Variants in CUX2 observed in about 807,000 individuals in gnomAD.
CUX2 encodes the protein homeobox protein cut-like 2.
CUX2 carries 40 observed loss-of-function variants against 144.8 expected under a neutral mutation model. The ratio of observed to expected loss-of-function variants is 0.28; its 90% CI spans 0.21 to 0.36. The LOEUF (loss-of-function observed/expected upper bound fraction) is 0.36, where lower values mean the gene tolerates loss of function less well. CUX2 is among the 10% of genes least tolerant of loss of function. The pLI, the probability that CUX2 is intolerant of heterozygous loss-of-function variation, is 1.00. For synonymous variants in CUX2, 827 were observed against 875.6 expected (o/e 0.94, Z 0.98); for missense variants, 1,615 against 1,994.0 (o/e 0.81, Z 3.62).
At chr12:111,331,938 G>T (rs1196128854) in intron 18 of CUX2, among the ~76,000 whole-genome samples, 4 of 151,688 alleles carry the variant, frequency 2.6e-5, no homozygotes, top group African/African-American at 9.7e-5. Context: ...AAGTTAGCCG[G>T]GTGTGGTGGC....
intron 14 of CUX2, among the ~76,000 whole-genome samples, chr12:111,309,440 G>A (rs1213542095): frequency 1.3e-5 from 2 of 152,206 alleles, no homozygotes; most frequent in African/African-American, 4.8e-5. Context: ...TGCTCTTGGT[G>A]ATGGGGGTGG....
At chr12:111,128,468 G>A (rs1033821525) in intron 1 of CUX2, among the ~76,000 whole-genome samples, 3 of 152,190 alleles carry the variant, frequency 2.0e-5, no homozygotes, top group African/African-American at 7.2e-5. Flanking sequence ...GGGACCATGG[G>A]CATTTGGGCC....
chr12:111,205,367 A>C (rs1318029132), intron 1 of CUX2, among the ~76,000 whole-genome samples: 1 of 152,030 alleles, frequency 6.6e-6, no homozygotes, highest in African/African-American at 2.4e-5. Flanking sequence ...AAGGACCTCC[A>C]TGGGCCCAAG....
chr12:111,252,054 C>T (rs1003601169), intron 3 of CUX2, among the ~76,000 whole-genome samples: 2 of 152,122 alleles, frequency 1.3e-5, no homozygotes, highest in South Asian at 2.1e-4. Context: ...GGCATGGTGG[C>T]GTGTGCCTGT....
At chr12:111,268,350 G>A (rs113467659) in intron 4 of CUX2, among the ~76,000 whole-genome samples, 4,439 of 152,238 alleles carry the variant, frequency 0.029, 87 homozygotes, top group Middle Eastern at 0.048. Context: ...TCAGCCTCCC[G>A]AATGGCTGGG....
At chr12:111,265,638 C>T (rs535265930) in intron 4 of CUX2, among the ~76,000 whole-genome samples, 15 of 152,180 alleles carry the variant, frequency 9.9e-5, no homozygotes, top group South Asian at 2.1e-4. Flanking sequence ...CCACCGCACC[C>T]GGCCAAAACT....
chr12:111,100,004 A>G, intron 1 of CUX2: 1 of 457,302 alleles, frequency 2.2e-6, no homozygotes, highest in Non-Finnish European at 4.4e-6. Context: ...TTATTTTTGC[A>G]CATTCGCTTT....
rs1356029644 is a variant in CUX2 at position 111,287,416 on chromosome 12, TC to T, written c.302-4000del. ...CCCGGCGAGTGCTCGTTGCCTTTTT[TC>T]CTCCTGTCTCAAAAACCGGGACACA... On this transcript the variant is annotated intron_variant, in intron 4 of 21. Transcript: ENST00000261726. The surrounding 1 kb of genome is among the most constrained non-coding windows in gnomAD (Gnocchi z 4.2). 1.2e-4 allele frequency among the ~76,000 whole-genome samples: 18 copies of T among 152,228 alleles called. No homozygotes were observed. Among genetic ancestry groups the T allele is most frequent in the Non-Finnish European group, 4.4e-5 (3 of 68,038 alleles).
chr12:111,252,172 C>T (rs1292254397), intron 3 of CUX2, among the ~76,000 whole-genome samples: 2 of 152,182 alleles, frequency 1.3e-5, no homozygotes, highest in Non-Finnish European at 2.9e-5. Flanking sequence ...GCCTGGGTGA[C>T]AGAGTGAGAC....
At chr12:111,324,208 G>T (rs1363459224) in intron 18 of CUX2, among the ~76,000 whole-genome samples, 1 of 151,936 alleles carries the variant, frequency 6.6e-6, no homozygotes, top group Admixed American at 6.6e-5. Flanking sequence ...AAATTAGCTG[G>T]AAATGGTGGC....
chr12:111,291,857 C>A (rs1885711684), intron 5 of CUX2, among the ~76,000 whole-genome samples: 1 of 152,016 alleles, frequency 6.6e-6, no homozygotes, highest in African/African-American at 2.4e-5. Flanking sequence ...GTTCAGGTTC[C>A]CACCCTCCAT....
At chr12:111,234,215 A>T (rs564574701) in intron 3 of CUX2, among the ~76,000 whole-genome samples, 1 of 152,210 alleles carries the variant, frequency 6.6e-6, no homozygotes, top group Non-Finnish European at 1.5e-5. Context: ...AGGGAATAGG[A>T]CAGAGCCCTG....
intron 1 of CUX2, among the ~76,000 whole-genome samples, chr12:111,198,001 G>T (rs1403611258): frequency 6.6e-6 from 1 of 152,102 alleles, no homozygotes; most frequent in East Asian, 1.9e-4. Flanking sequence ...CTTTCTTGCT[G>T]CTGTTCTTGA....
At chr12:111,099,980 G>T (rs778227274) in intron 1 of CUX2, 1 of 457,286 alleles carries the variant, frequency 2.2e-6, no homozygotes, top group Non-Finnish European at 4.4e-6. Flanking sequence ...CGGCTTTATC[G>T]CAGCCTTTCG....
At chr12:111,193,904 G>C (rs73415953) in intron 1 of CUX2, among the ~76,000 whole-genome samples, 17 of 151,990 alleles carry the variant, frequency 1.1e-4, no homozygotes, top group Admixed American at 7.2e-4. Context: ...GTCTGTCCCA[G>C]GATGGAGCAG....
intron 1 of CUX2, among the ~76,000 whole-genome samples, chr12:111,206,907 G>A (rs768041165): frequency 2.0e-5 from 3 of 152,182 alleles, no homozygotes; most frequent in Non-Finnish European, 4.4e-5. Flanking sequence ...ATGTATAACT[G>A]GATGAAAATG....
chr12:111,121,644 G>A (rs976118035), intron 1 of CUX2, among the ~76,000 whole-genome samples: 1 of 151,780 alleles, frequency 6.6e-6, no homozygotes, highest in South Asian at 2.1e-4. Flanking sequence ...TTACAGGTGT[G>A]AGCCACTATG....
chr12:111,179,608 T>C (rs1421997558), intron 1 of CUX2, among the ~76,000 whole-genome samples: 1 of 152,006 alleles, frequency 6.6e-6, no homozygotes, highest in African/African-American at 2.4e-5. Context: ...TTGTTGTTGT[T>C]GTTGTTGTTG....
At chr12:111,172,612 G>T (rs1878618908) in intron 1 of CUX2, among the ~76,000 whole-genome samples, 1 of 152,260 alleles carries the variant, frequency 6.6e-6, no homozygotes, top group South Asian at 2.1e-4. Context: ...ACTCTGTGCA[G>T]TTCCTGCAGC....
Sources: gnomAD v4.1 joint callset for allele counts (sites outside exome capture counted in the v4.1 genomes callset) on GRCh38, gnomAD v4.1.1 for gene constraint, Gnocchi (gnomAD v3.1) non-coding constraint, MANE v1.5 for transcripts, NCBI Gene and HGNC (gene_info 2026-07-23, HGNC 2026-07-21) for gene names.